Variants in FMN2 observed in about 807,000 individuals in gnomAD.
The protein encoded by FMN2 is formin-2.
In FMN2, 51 loss-of-function variants were observed where a neutral mutation model predicts 142.3. The observed-to-expected ratio is 0.36, with a 90% CI of 0.29 to 0.45. The LOEUF (loss-of-function observed/expected upper bound fraction) is 0.45, where lower values mean the gene tolerates loss of function less well. FMN2 is among the 20% of genes least tolerant of loss of function. The probability of loss-of-function intolerance (pLI) is 1.00; values close to 1 mark genes in which losing one functional copy is unlikely to be tolerated. For missense variants in FMN2, 1,936 were observed against 2,122.8 expected, an observed-to-expected ratio of 0.91 and a Z score of 1.73; for synonymous variants, 882 against 869.8, an observed-to-expected ratio of 1.01 and a Z score of -0.25.
chr1:240,231,895 G>A (rs1278485571), intron 6 of FMN2, among the ~76,000 whole-genome samples: 1 of 152,090 alleles, frequency 6.6e-6, no homozygotes, highest in African/African-American at 2.4e-5. Flanking sequence ...GTTCTCCAAA[G>A]CGTTTGTAGG....
chr1:240,127,747 T>C (rs1662571696), intron 2 of FMN2, among the ~76,000 whole-genome samples: 1 of 152,148 alleles, frequency 6.6e-6, no homozygotes, highest in Non-Finnish European at 1.5e-5. Context: ...CCCAAAATGC[T>C]GGGATTATAG....
intron 7 of FMN2, among the ~76,000 whole-genome samples, chr1:240,267,929 A>C (rs934810373): frequency 1.3e-5 from 2 of 152,158 alleles, no homozygotes; most frequent in Admixed American, 6.6e-5. Context: ...ACCACTAATC[A>C]TCAGAGAAAT....
chr1:240,199,909 A>C (rs1456660), intron 4 of FMN2, among the ~76,000 whole-genome samples: 36,588 of 152,164 alleles, frequency 0.24, 4,635 homozygotes, highest in Middle Eastern at 0.36. Flanking sequence ...AAATGTATTT[A>C]AATTTTTTGA....
intron 16 of FMN2, among the ~76,000 whole-genome samples, chr1:240,444,828 G>A (rs1187168018): frequency 1.3e-5 from 2 of 152,194 alleles, no homozygotes; most frequent in Non-Finnish European, 2.9e-5. Flanking sequence ...GTAAGTTTAA[G>A]AAGGAAGAGA....
rs182939488 is a variant in FMN2, at chr1:240,212,073, G to A, written c.4065+838G>A. On this transcript the variant is annotated intron_variant, in intron 6 of 17. Coordinates refer to ENST00000319653, the MANE Select transcript of FMN2 (RefSeq NM_020066.5). ...AAGGAATGGCAAGCAGCTCAGTCTT[G>A]GGAAGCAAAGAGGGAAAAATGAGGC... Among the ~76,000 whole-genome samples, 413 of 152,228 alleles carry A rather than the reference G, an allele frequency of 2.7e-3. 3 individuals are homozygous for A. The South Asian group carries it at 0.027, about 10-fold the overall frequency.
At chr1:240,442,537 G>A (rs140118507) in intron 16 of FMN2, among the ~76,000 whole-genome samples, 1 of 152,324 alleles carries the variant, frequency 6.6e-6, no homozygotes, top group East Asian at 1.9e-4. Context: ...TTAGCAAAAT[G>A]TCTTAGCATG....
chr1:240,351,700 A>G (rs1011987815), intron 13 of FMN2, among the ~76,000 whole-genome samples: 1 of 152,156 alleles, frequency 6.6e-6, no homozygotes, highest in Non-Finnish European at 1.5e-5. Flanking sequence ...GACCCAGAGG[A>G]TGGTTGTCAC....
intron 16 of FMN2, chr1:240,472,062 T>A (rs1676828932): frequency 4.5e-6 from 1 of 222,244 alleles, no homozygotes; most frequent in Non-Finnish European, 8.6e-6. Context: ...CATTTTTTAC[T>A]TGTATATAAG....
At chr1:240,259,151 G>A (rs1476490802) in intron 7 of FMN2, among the ~76,000 whole-genome samples, 2 of 152,220 alleles carry the variant, frequency 1.3e-5, no homozygotes, top group Non-Finnish European at 2.9e-5. Flanking sequence ...AGCCAAGGCT[G>A]GCGCCAGGCA....
chr1:240,309,750 C>T (rs189322394), intron 8 of FMN2, among the ~76,000 whole-genome samples: 224 of 152,066 alleles, frequency 1.5e-3, no homozygotes, highest in Non-Finnish European at 2.5e-3. Flanking sequence ...AAAGGGGGAC[C>T]GGGAGCTGCT....
chr1:240,103,467 A>G (rs577361690), intron 1 of FMN2, among the ~76,000 whole-genome samples: 50 of 152,234 alleles, frequency 3.3e-4, no homozygotes, highest in Middle Eastern at 3.4e-3. Context: ...AACTATACTT[A>G]CTATTTTACC....
intron 2 of FMN2, among the ~76,000 whole-genome samples, chr1:240,153,448 C>A (rs1425276405): frequency 7.2e-6 from 1 of 139,560 alleles, no homozygotes; most frequent in East Asian, 2.3e-4. Flanking sequence ...GCAGCCTTAA[C>A]CTCCTGGGCT....
chr1:240,265,924 T>TG (rs1183086778), intron 7 of FMN2, among the ~76,000 whole-genome samples: 4 of 151,246 alleles, frequency 2.6e-5, no homozygotes, highest in African/African-American at 9.7e-5. Context: ...TTTGTTTTTT[T>TG]TTTTTTTTCC....
intron 8 of FMN2, among the ~76,000 whole-genome samples, chr1:240,323,297 C>T (rs1197029671): frequency 6.6e-6 from 1 of 152,016 alleles, no homozygotes; most frequent in Admixed American, 6.6e-5. Context: ...CAGGTCCAAG[C>T]ATTTCTTGTG....
intron 7 of FMN2, among the ~76,000 whole-genome samples, chr1:240,291,401 C>G (rs1453188999): frequency 6.6e-6 from 1 of 151,928 alleles, no homozygotes; most frequent in Non-Finnish European, 1.5e-5. Flanking sequence ...TGTAAAGAGT[C>G]GCAGACAAGG....
chr1:240,161,833 A>C (rs984906878), intron 2 of FMN2, among the ~76,000 whole-genome samples: 7 of 152,224 alleles, frequency 4.6e-5, no homozygotes, highest in Admixed American at 3.3e-4. Flanking sequence ...ATGATTATAA[A>C]TGTTAATGTG....
chr1:240,191,642 A>G (rs1255506898), intron 4 of FMN2, among the ~76,000 whole-genome samples: 9 of 152,244 alleles, frequency 5.9e-5, no homozygotes, highest in Admixed American at 5.2e-4. Flanking sequence ...TCTGTAGTAT[A>G]TAATAGCTTA....
In FMN2 at chr1:240,208,406, G is replaced by T. The variant is rs200759129; in HGVS notation, c.3594G>T (p.Pro1198=). The change falls in exon 5 of 18, where the codon CCG becomes CCT. Residue 1198 remains proline, a synonymous_variant. Transcript: ENST00000319653. ...TACCTGGAGTGGGAATACCTCCTCC[G>T]CCCCCTCTACCTGGTGCTGGGATTC... ...PPLPGVGIPP[P]PPLPGAGIPP... 40 of 1,538,476 alleles carry T rather than the reference G, an allele frequency of 2.6e-5. No homozygotes were observed. The highest frequency in any genetic ancestry group is 7.0e-6 in the Non-Finnish European group (8 of 1,137,320).
Position 240,153,044 on chromosome 1 carries a change from T to C in FMN2, c.1783-24877T>C, listed in dbSNP as rs548660272. On this transcript the variant is annotated intron_variant, in intron 2 of 17. Transcript: ENST00000319653. ...GATCAGATAAAATATCAGGCACTTA[T>C]GTAAGAGAACATTATAGAGTAAGTG... is the stretch of plus-strand genomic sequence containing the variant. 2.4e-4 allele frequency among the ~76,000 whole-genome samples: 36 copies of C among 152,336 alleles called. No homozygotes were observed. The East Asian group carries it at 6.6e-3, about 28-fold the overall frequency.
Sources: allele counts gnomAD v4.1 joint callset (sites outside exome capture counted in the v4.1 genomes callset), GRCh38; gene constraint gnomAD v4.1.1; transcripts MANE v1.5; gene names NCBI Gene and HGNC (gene_info 2026-07-23, HGNC 2026-07-21).